CDKN2B-AS1: variants seen among roughly 807,000 people sequenced by gnomAD.
The protein encoded by CDKN2B-AS1 is CDKN2B and CDKN2A antisense cis and trans regulatory RNA 1, also known as CDKN2B antisense RNA 1 (non-protein coding).
intron 4 of CDKN2B-AS1, among the ~76,000 whole-genome samples, chr9:22,083,018 A>C (rs7853953): frequency 0.054 from 8,294 of 152,268 alleles, 745 homozygotes; most frequent in African/African-American, 0.18. Context: ...GGAAGAGGAC[A>C]TGTAACATGA....
At chr9:22,003,578 A>G (rs916427734) in intron 1 of CDKN2B-AS1, 1 of 229,076 alleles carries the variant, frequency 4.4e-6, no homozygotes, top group Non-Finnish European at 8.6e-6. Flanking sequence ...TTTATATAGA[A>G]TGTTTTCTAA....
At chr9:22,091,349 T>C (rs1247603430) in intron 4 of CDKN2B-AS1, among the ~76,000 whole-genome samples, 4 of 152,204 alleles carry the variant, frequency 2.6e-5, no homozygotes, top group African/African-American at 7.2e-5. Context: ...AGTAGTTTTT[T>C]CCAGTTCTGT....
intron 4 of CDKN2B-AS1, chr9:22,064,063 G>C (rs543214559): frequency 6.6e-6 from 1 of 152,294 alleles, no homozygotes; most frequent in African/African-American, 2.4e-5. Context: ...TATAAGTTTA[G>C]TAGGAGATTT....
intron 4 of CDKN2B-AS1, among the ~76,000 whole-genome samples, chr9:22,072,280 T>C (rs1824326492): frequency 6.6e-6 from 1 of 152,214 alleles, no homozygotes; most frequent in Non-Finnish European, 1.5e-5. Context: ...TTTTTTATAA[T>C]GAAGCAATTA....
rs1173408347 is a variant in CDKN2B-AS1 at position 22,102,016 on chromosome 9, A to AGACACATTT, written n.439-25086_439-25078dup. On this transcript the variant is annotated intron_variant and non_coding_transcript_variant, in intron 4 of 4. Transcript: ENST00000650946. ...TGCCTATGGTCATAACTCAGCTCTC[A>AGACACATTT]GACACATTTTGTTGTGCCCACAGAG... Among the ~76,000 whole-genome samples the AGACACATTT allele has an allele frequency of 3.3e-5, 5 of 152,210 alleles. No individual in the cohort carries two copies. The East Asian group carries it at 9.6e-4, about 29-fold the overall frequency.
Position 22,006,044 on chromosome 9 carries a change from G to T in CDKN2B-AS1, n.29+10883G>T, listed in dbSNP as rs62637622. The T allele has an allele frequency of 1.2e-6, 2 of 1,604,800 alleles. No individual in the cohort carries two copies. Among genetic ancestry groups the T allele is most frequent in the Non-Finnish European group, 1.7e-6 (2 of 1,179,524 alleles). ...CAACGTCGCGGTGGCCCCGCTCCTC[G>T]GCCAAGTCCACGGGCAGACGACCCC... On this transcript the variant is annotated intron_variant and non_coding_transcript_variant, in intron 1 of 4. Transcript: ENST00000650946. The surrounding 1 kb of genome is among the most constrained non-coding windows in gnomAD (Gnocchi z 6.4).
At chr9:22,003,604 G>T (rs1386846191) in intron 1 of CDKN2B-AS1, 1 of 229,270 alleles carries the variant, frequency 4.4e-6, no homozygotes, top group East Asian at 6.3e-5. Flanking sequence ...GTAAAATACT[G>T]TAACTTTAAA....
At chr9:22,102,248 A>G (rs1027064251) in intron 4 of CDKN2B-AS1, among the ~76,000 whole-genome samples, 3 of 152,150 alleles carry the variant, frequency 2.0e-5, no homozygotes, top group African/African-American at 7.2e-5. Context: ...CGGCTTTGAA[A>G]CGATCAGTTT....
intron 1 of CDKN2B-AS1, chr9:22,029,404 C>T (rs753077497): frequency 1.3e-6 from 1 of 779,054 alleles, no homozygotes; most frequent in East Asian, 2.4e-5. Context: ...ACTTGTCTGA[C>T]AAATCCAGAT....
chr9:22,098,220 G>T (rs1825354434), intron 4 of CDKN2B-AS1, among the ~76,000 whole-genome samples: 1 of 150,968 alleles, frequency 6.6e-6, no homozygotes, highest in Non-Finnish European at 1.5e-5. Flanking sequence ...TTATATATGT[G>T]TATATTTATA....
chr9:22,117,796 C>T (rs1300368089), intron 4 of CDKN2B-AS1: 3 of 152,218 alleles, frequency 2.0e-5, no homozygotes, highest in Non-Finnish European at 4.4e-5. Context: ...GGAAGAGGTT[C>T]AAGGATCAAG....
intron 4 of CDKN2B-AS1, among the ~76,000 whole-genome samples, chr9:22,090,629 T>C (rs1479694558): frequency 1.3e-5 from 2 of 152,234 alleles, no homozygotes; most frequent in African/African-American, 2.4e-5. Flanking sequence ...ATGTCTTCTT[T>C]TGAGAAGTGT....
At chr9:22,102,921 G>T (rs987218368) in intron 4 of CDKN2B-AS1, among the ~76,000 whole-genome samples, 1 of 152,108 alleles carries the variant, frequency 6.6e-6, no homozygotes, top group Non-Finnish European at 1.5e-5. Context: ...AAATTCATGA[G>T]ATTATAGACT....
At chr9:22,093,163 G>T (rs1028057583) in intron 4 of CDKN2B-AS1, among the ~76,000 whole-genome samples, 8 of 148,224 alleles carry the variant, frequency 5.4e-5, no homozygotes, top group African/African-American at 1.7e-4. Flanking sequence ...TTGAGTTCTA[G>T]TTTGCACTGT....
intron 2 of CDKN2B-AS1, among the ~76,000 whole-genome samples, chr9:22,048,745 G>A (rs191970151): frequency 2.0e-5 from 3 of 152,238 alleles, no homozygotes; most frequent in Non-Finnish European, 4.4e-5. Flanking sequence ...CAGGAGAAGT[G>A]GGGAGGTTAA....
In CDKN2B-AS1 at chr9:21,997,269, A is replaced by G. The variant is rs147917580; in HGVS notation, n.29+2108A>G. On this transcript the variant is annotated intron_variant and non_coding_transcript_variant, in intron 1 of 4. Coordinates refer to ENST00000650946, the Ensembl canonical transcript of CDKN2B-AS1. This position sits in a 1 kb window ranked among gnomAD's most constrained non-coding sequence, Gnocchi z 4.8. ...CACATCTAAACATAGAAAAGGTAGT[A>G]TGTTGTGCTACAACTTTAGGACAGC... Among the ~76,000 whole-genome samples the G allele has an allele frequency of 4.6e-5, 7 of 152,334 alleles. No individual in the cohort carries two copies. The East Asian group carries it at 1.3e-3, about 29-fold the overall frequency.
At chr9:22,049,245 G>T (rs1472645046) in intron 3 of CDKN2B-AS1, 1 of 152,194 alleles carries the variant, frequency 6.6e-6, no homozygotes, top group East Asian at 1.9e-4. Context: ...GATATGAAAC[G>T]ACCTTTTAGA....
rs530846411 is a variant in CDKN2B-AS1, at chr9:21,995,241, C to A, written n.29+80C>A. ...CCAGCTGCCCGCGTCGCCGAGGGCG[C>A]CTGGCTGGGACAAGCACCGAGTCCT... On this transcript the variant is annotated intron_variant and non_coding_transcript_variant, in intron 1 of 4. Transcript: ENST00000650946. The surrounding 1 kb of genome is among the most constrained non-coding windows in gnomAD (Gnocchi z 5.7). The A allele has an allele frequency of 2.0e-5, 3 of 152,408 alleles. No homozygotes were observed. The South Asian group carries it at 6.2e-4, about 32-fold the overall frequency. The allele number at this position is 152,408 out of a possible 1,614,324, so 9.4% of individuals were successfully genotyped here.
chr9:22,071,833 G>A (rs1375903038), intron 4 of CDKN2B-AS1, among the ~76,000 whole-genome samples: 1 of 152,108 alleles, frequency 6.6e-6, no homozygotes. Context: ...GTTACTTCTA[G>A]TCAGTATTAC....
Sources: allele counts gnomAD v4.1 joint callset (sites outside exome capture counted in the v4.1 genomes callset), GRCh38; gene constraint gnomAD v4.1.1; non-coding constraint Gnocchi (gnomAD v3.1); transcripts MANE v1.5; gene names NCBI Gene and HGNC (gene_info 2026-07-23, HGNC 2026-07-21).